PTPRD: variants seen among roughly 807,000 people sequenced by gnomAD.
The protein encoded by PTPRD is receptor-type tyrosine-protein phosphatase delta.
Under a neutral mutation model 214.5 loss-of-function variants are expected in PTPRD, and 34 were observed. That is an observed-to-expected ratio of 0.16 (90% CI 0.12 to 0.21). The LOEUF (loss-of-function observed/expected upper bound fraction) is 0.21, where lower values mean the gene tolerates loss of function less well. Ranked by LOEUF, PTPRD falls within the 10% of genes least tolerant of loss-of-function variation. The probability of loss-of-function intolerance (pLI) is 1.00; values close to 1 mark genes in which losing one functional copy is unlikely to be tolerated. For missense variants in PTPRD, 2,545 were observed against 2,398.7 expected (o/e 1.06, Z -1.27); for synonymous variants, 1,128 against 845.7 (o/e 1.33, Z -5.79).
At chr9:10,231,987 AGAGTGTGT>A (rs1157783764) in intron 3 of PTPRD, among the ~76,000 whole-genome samples, 74 of 97,774 alleles carry the variant, frequency 7.6e-4, no homozygotes, top group African/African-American at 3.0e-3. Flanking sequence ...AGAGAGAGAG[AGAGTGTGT>A]GTGTGTGTGT....
At chr9:9,410,724 T>A (rs1208635197) in intron 8 of PTPRD, among the ~76,000 whole-genome samples, 1 of 152,198 alleles carries the variant, frequency 6.6e-6, no homozygotes, top group East Asian at 1.9e-4. Context: ...TTAGTTTTGT[T>A]ATTTATACAC....
In PTPRD at chr9:8,503,869, T is replaced by A. The variant is rs144976576; in HGVS notation, c.1822+392A>T. Among the ~76,000 whole-genome samples, 157 of 149,960 alleles carry A rather than the reference T, an allele frequency of 1.0e-3. 5 individuals carry two copies. The South Asian group carries it at 0.029, about 28-fold the overall frequency. On this transcript the variant is annotated intron_variant, in intron 23 of 45. Transcript: ENST00000381196. The stretch of plus-strand genomic sequence containing the variant: ...AGCCTGTGTGCTTAAAAAAATAAAG[T>A]TTTTTTTTGTCTTTTGCAGCCTCTT...
intron 14 of PTPRD, among the ~76,000 whole-genome samples, chr9:8,616,890 G>A (rs984460640): frequency 6.6e-6 from 1 of 152,146 alleles, no homozygotes; most frequent in Non-Finnish European, 1.5e-5. Flanking sequence ...AGGCTAAGCT[G>A]AAACTCATCC....
intron 11 of PTPRD, among the ~76,000 whole-genome samples, chr9:8,776,787 T>C (rs1392354571): frequency 6.8e-6 from 1 of 147,756 alleles, no homozygotes; most frequent in Admixed American, 6.8e-5. Context: ...TTAAAAAATA[T>C]GTATTATATA....
At chr9:10,180,604 C>CA (rs1288616582) in intron 3 of PTPRD, among the ~76,000 whole-genome samples, 19,331 of 76,168 alleles carry the variant, frequency 0.25, 1,661 homozygotes, top group Middle Eastern at 0.3. Flanking sequence ...AGATAAAGTA[C>CA]AAAAAAAAAA....
intron 43 of PTPRD, among the ~76,000 whole-genome samples, chr9:8,335,394 CAT>C (rs1436789900): frequency 1.3e-5 from 2 of 152,272 alleles, no homozygotes; most frequent in Admixed American, 6.5e-5. Context: ...ACAAAAACCA[CAT>C]GATTATCTCA....
At chr9:10,537,128 A>G (rs2058003557) in intron 2 of PTPRD, among the ~76,000 whole-genome samples, 1 of 152,156 alleles carries the variant, frequency 6.6e-6, no homozygotes, top group African/African-American at 2.4e-5. Flanking sequence ...ATTGTCACCA[A>G]ATAAAGATGC....
chr9:8,376,161 G>C (rs2134853300), intron 38 of PTPRD, 71 bp from the exon 39 acceptor site: 1 of 1,550,732 alleles, frequency 6.4e-7, no homozygotes, highest in Non-Finnish European at 8.8e-7. Context: ...TAACAGGGAA[G>C]AGGTAATGCT....
chr9:9,462,036 C>G (rs984656828), intron 8 of PTPRD, among the ~76,000 whole-genome samples: 1 of 152,074 alleles, frequency 6.6e-6, no homozygotes, highest in Non-Finnish European at 1.5e-5. Context: ...GTTTGCTTCT[C>G]TATTTTTGTC....
Position 8,436,583 on chromosome 9 carries a change from G to C in PTPRD, c.4086+9C>G, listed in dbSNP as rs1345072032. The C allele has an allele frequency of 6.3e-7, 1 of 1,593,510 alleles. No homozygotes were observed. Among genetic ancestry groups the C allele is most frequent in the Admixed American group, 1.7e-5 (1 of 59,956 alleles). On this transcript the variant is annotated intron_variant, in intron 35 of 45. Coordinates refer to ENST00000381196, the MANE Select transcript of PTPRD (RefSeq NM_002839.4). ...GAAATTACTGTAAAGAATAAACACA[G>C]TGAATTACCTCATATTCCTGGGAAA...
At chr9:8,340,544 C>T (rs1008928647) in intron 41 of PTPRD, 75 bp from the exon 42 acceptor site, 4 of 1,385,886 alleles carry the variant, frequency 2.9e-6, no homozygotes, top group African/African-American at 2.8e-5. Flanking sequence ...GATACATAAA[C>T]ATCAACCTGC....
At chr9:10,093,457 G>T (rs1390256165) in intron 3 of PTPRD, among the ~76,000 whole-genome samples, 4 of 151,318 alleles carry the variant, frequency 2.6e-5, no homozygotes, top group African/African-American at 7.3e-5. Context: ...ATAGATCCTG[G>T]CATGGCAGCA....
intron 10 of PTPRD, among the ~76,000 whole-genome samples, chr9:9,034,286 T>A (rs1183192585): frequency 6.6e-6 from 1 of 152,122 alleles, no homozygotes; most frequent in Admixed American, 6.6e-5. Context: ...CAGGTTGGGA[T>A]TTTCCAATTT....
At chr9:9,200,211 A>G (rs1305632459) in intron 9 of PTPRD, among the ~76,000 whole-genome samples, 1 of 152,250 alleles carries the variant, frequency 6.6e-6, no homozygotes, top group Non-Finnish European at 1.5e-5. Flanking sequence ...GAGTTTAGAA[A>G]GCAGAAATCA....
At position 10,571,578 on chromosome 9, in the gene PTPRD, A is replaced by C. The variant is rs150509949; in HGVS notation, c.-600+40820T>G. ...GTTTTCTGTGAACCTCAGTTCCCTC[A>C]TCTGTAAAGTGGTCATGACCACCAT... On this transcript the variant is annotated intron_variant, in intron 2 of 45. Coordinates refer to ENST00000381196, the MANE Select transcript of PTPRD (RefSeq NM_002839.4). Among the ~76,000 whole-genome samples the C allele has an allele frequency of 1.6e-3, 244 of 152,258 alleles. 2 individuals are homozygous for C. The highest frequency in any genetic ancestry group is 5.6e-3 in the African/African-American group (233 of 41,568).
chr9:9,432,532 C>T (rs1163592683), intron 8 of PTPRD, among the ~76,000 whole-genome samples: 1 of 152,130 alleles, frequency 6.6e-6, no homozygotes, highest in African/African-American at 2.4e-5. Context: ...TTGTGATTTA[C>T]TGAAGAGTTT....
intron 12 of PTPRD, among the ~76,000 whole-genome samples, chr9:8,677,084 AGC>A (rs1471618816): frequency 1.8e-4 from 28 of 152,378 alleles, no homozygotes; most frequent in African/African-American, 5.3e-4. Context: ...TACCTAAGAT[AGC>A]CATAAAGGAT....
At chr9:10,219,560 G>T (rs146636356) in intron 3 of PTPRD, among the ~76,000 whole-genome samples, 1 of 151,698 alleles carries the variant, frequency 6.6e-6, no homozygotes, top group African/African-American at 2.4e-5. Context: ...TAAAAAGTTG[G>T]GGGGAAAGGT....
chr9:8,982,233 T>C (rs1455434837), intron 11 of PTPRD, among the ~76,000 whole-genome samples: 1 of 152,074 alleles, frequency 6.6e-6, no homozygotes, highest in African/African-American at 2.4e-5. Flanking sequence ...AATGCACGTA[T>C]TCCAATGGCT....
Sources: allele counts gnomAD v4.1 joint callset (sites outside exome capture counted in the v4.1 genomes callset), GRCh38; gene constraint gnomAD v4.1.1; transcripts MANE v1.5; gene names NCBI Gene and HGNC (gene_info 2026-07-23, HGNC 2026-07-21).